LRRTM4: variants seen among roughly 807,000 people sequenced by gnomAD.
The protein encoded by LRRTM4 is leucine rich repeat transmembrane neuronal 4, also known as leucine-rich repeat transmembrane neuronal protein 4.
In LRRTM4, 25 loss-of-function variants were observed where a neutral mutation model predicts 47.6. The observed-to-expected ratio is 0.53, with a 90% CI of 0.38 to 0.73. The LOEUF (loss-of-function observed/expected upper bound fraction) is 0.73, where lower values mean the gene tolerates loss of function less well. Ranked by LOEUF, LRRTM4 falls within the 30% of genes least tolerant of loss-of-function variation. The pLI is 0.00. For synonymous variants in LRRTM4, 311 were observed against 269.5 expected (o/e 1.15, Z -1.51); for missense variants, 638 against 713.4 (o/e 0.89, Z 1.20).
chr2:76,751,963 A>T (rs1416748706), intron 3 of LRRTM4, among the ~76,000 whole-genome samples: 1 of 152,234 alleles, frequency 6.6e-6, no homozygotes, highest in African/African-American at 2.4e-5. Flanking sequence ...TTCACTGATT[A>T]TAGAACATTT....
At chr2:77,412,145 A>G (rs1428428012) in intron 3 of LRRTM4, among the ~76,000 whole-genome samples, 2 of 152,190 alleles carry the variant, frequency 1.3e-5, no homozygotes, top group Admixed American at 6.5e-5. Context: ...TCCAAGACCC[A>G]TCAACATGAA....
At chr2:77,143,665 T>C (rs1573005469) in intron 3 of LRRTM4, among the ~76,000 whole-genome samples, 1 of 152,290 alleles carries the variant, frequency 6.6e-6, no homozygotes, top group East Asian at 1.9e-4. Context: ...CATTTCAGAA[T>C]TTCTGCAAGA....
At position 77,510,560 on chromosome 2, in the gene LRRTM4, AT is replaced by A. The variant is rs557291747; in HGVS notation, c.1551+7757del. Among the ~76,000 whole-genome samples, 8 of 152,128 alleles carry A rather than the reference AT, an allele frequency of 5.3e-5. No homozygotes were observed. The South Asian group carries it at 1.5e-3, about 28-fold the overall frequency. On this transcript the variant is annotated intron_variant, in intron 3 of 3. Coordinates refer to ENST00000409884, the MANE Select transcript of LRRTM4 (RefSeq NM_001134745.3). ...CCAAAATAAAAGAACATTTGCAGGCATTTTTTTCTATATTATTTGCTACTCC... is the reference window on the plus strand; with the variant it reads ...CCAAAATAAAAGAACATTTGCAGGCATTTTTTCTATATTATTTGCTACTCC...
At chr2:77,216,095 C>CCG (rs57336701) in intron 3 of LRRTM4, among the ~76,000 whole-genome samples, 30,022 of 151,744 alleles carry the variant, frequency 0.2, 5,696 homozygotes, top group African/African-American at 0.49. Context: ...AACTGCCCCC[C>CCG]CACCCAGCAA....
chr2:76,942,490 C>CTTTT (rs1573346706), intron 3 of LRRTM4, among the ~76,000 whole-genome samples: 1 of 99,130 alleles, frequency 1.0e-5, no homozygotes. Context: ...TCTGTGCTAA[C>CTTTT]ATTTTTTTTT....
chr2:77,060,487 G>C (rs1679751966), intron 3 of LRRTM4, among the ~76,000 whole-genome samples: 1 of 152,036 alleles, frequency 6.6e-6, no homozygotes, highest in African/African-American at 2.4e-5. Context: ...ATTAATCTAA[G>C]ATAATATGGC....
At chr2:77,221,248 A>T (rs1241970764) in intron 3 of LRRTM4, among the ~76,000 whole-genome samples, 1 of 152,206 alleles carries the variant, frequency 6.6e-6, no homozygotes, top group Admixed American at 6.5e-5. Flanking sequence ...CCACTGCAAA[A>T]ACATGCCAAA....
At chr2:77,231,878 C>G (rs1159285956) in intron 3 of LRRTM4, among the ~76,000 whole-genome samples, 1 of 152,150 alleles carries the variant, frequency 6.6e-6, no homozygotes, top group African/African-American at 2.4e-5. Context: ...TAGATCCACC[C>G]AGGATGAAAA....
chr2:77,077,783 C>T (rs1680386578), intron 3 of LRRTM4, among the ~76,000 whole-genome samples: 1 of 152,122 alleles, frequency 6.6e-6, no homozygotes, highest in African/African-American at 2.4e-5. Flanking sequence ...ATGTGTGGAA[C>T]ATACCCAACA....
chr2:76,878,813 G>C (rs1053349361), intron 3 of LRRTM4, among the ~76,000 whole-genome samples: 1 of 152,098 alleles, frequency 6.6e-6, no homozygotes, highest in Admixed American at 6.6e-5. Flanking sequence ...GGCGGAACTT[G>C]TGAAGAGCCA....
At chr2:76,958,508 T>C (rs1469333122) in intron 3 of LRRTM4, among the ~76,000 whole-genome samples, 2 of 151,820 alleles carry the variant, frequency 1.3e-5, no homozygotes, top group East Asian at 1.9e-4. Flanking sequence ...GCTGGTTTCA[T>C]AGTTGTTAAA....
At chr2:76,869,263 C>T (rs750321881) in intron 3 of LRRTM4, among the ~76,000 whole-genome samples, 6 of 150,356 alleles carry the variant, frequency 4.0e-5, no homozygotes, top group Non-Finnish European at 5.9e-5. Flanking sequence ...GAGCCGAGAT[C>T]ACACCACTGC....
At chr2:76,984,888 AAGTAGAT>A (rs1676739283) in intron 3 of LRRTM4, among the ~76,000 whole-genome samples, 1 of 152,080 alleles carries the variant, frequency 6.6e-6, no homozygotes, top group African/African-American at 2.4e-5. Flanking sequence ...ACATTTGCAC[AAGTAGAT>A]AGTAGAGGGG....
intron 3 of LRRTM4, among the ~76,000 whole-genome samples, chr2:76,838,323 G>A (rs1336217726): frequency 6.6e-6 from 1 of 151,888 alleles, no homozygotes; most frequent in Non-Finnish European, 1.5e-5. Context: ...TTTGATAGTT[G>A]TTTTCCTACT....
At chr2:77,517,869 C>T (rs997917391) in intron 3 of LRRTM4, 1 of 986,686 alleles carries the variant, frequency 1.0e-6, no homozygotes, top group African/African-American at 1.7e-5. Flanking sequence ...GGGAAAATTG[C>T]TCTTTGGTTT....
At chr2:77,081,467 A>G (rs922002628) in intron 3 of LRRTM4, among the ~76,000 whole-genome samples, 2 of 152,080 alleles carry the variant, frequency 1.3e-5, no homozygotes, top group Admixed American at 1.3e-4. Context: ...AATAAAAATC[A>G]CTGATATATA....
rs373679030 is a variant in LRRTM4 at position 77,102,328 on chromosome 2, T to A, written c.1552-353412A>T. Among the ~76,000 whole-genome samples, 29 of 152,312 alleles carry A rather than the reference T, an allele frequency of 1.9e-4. No individual in the cohort carries two copies. In the East Asian group the frequency reaches 5.0e-3, roughly 26 times the overall value. On this transcript the variant is annotated intron_variant, in intron 3 of 3. Transcript: ENST00000409884. ...CACATCCAAGCACTGTACTAGTGGATTCCCACCTTACTGCTCTTAGGTTTG... is the reference window on the plus strand; with the variant it reads ...CACATCCAAGCACTGTACTAGTGGAATCCCACCTTACTGCTCTTAGGTTTG...
intron 3 of LRRTM4, among the ~76,000 whole-genome samples, chr2:76,922,518 G>C (rs1283685549): frequency 6.6e-6 from 1 of 152,032 alleles, no homozygotes; most frequent in Non-Finnish European, 1.5e-5. Context: ...TATAATTCAA[G>C]ATGAGATTTG....
At chr2:77,514,945 A>C (rs892020571) in intron 3 of LRRTM4, among the ~76,000 whole-genome samples, 9 of 151,954 alleles carry the variant, frequency 5.9e-5, no homozygotes, top group Non-Finnish European at 8.8e-5. Context: ...CATTATGCCA[A>C]GCTTCACAAG....
Sources: gnomAD v4.1 joint callset for allele counts (sites outside exome capture counted in the v4.1 genomes callset) on GRCh38, gnomAD v4.1.1 for gene constraint, MANE v1.5 for transcripts, NCBI Gene and HGNC (gene_info 2026-07-23, HGNC 2026-07-21) for gene names.